Variants in AHI1 observed in about 807,000 individuals in gnomAD.
AHI1 encodes Abelson helper integration site 1.
A neutral mutation model predicts 149.3 loss-of-function variants in AHI1; 123 were observed. That is an observed-to-expected ratio of 0.82 (90% CI 0.71 to 0.96). AHI1 has a LOEUF of 0.96. AHI1 is among the 40% of genes least tolerant of loss of function. The pLI, the probability that AHI1 is intolerant of heterozygous loss-of-function variation, is 0.00. For missense variants in AHI1, 1,439 were observed against 1,422.7 expected, an observed-to-expected ratio of 1.01 and a Z score of -0.18; for synonymous variants, 475 against 459.8, an observed-to-expected ratio of 1.03 and a Z score of -0.42.
Position 135,447,141 on chromosome 6 carries a change from G to A in AHI1, c.1646C>T (p.Ser549Phe). Residue 549 changes from serine to phenylalanine, a missense_variant, in exon 13 of 29, where the codon TCT becomes TTT. Coordinates refer to ENST00000265602, the MANE Select transcript of AHI1 (RefSeq NM_001134831.2). ...VPDCIKPSYR[S>F]MMALQEEKGK... is the part of the protein sequence containing the mutation. ...TTTTTCCTCCTGAAGAGCCATCATA[G>A]AGCGGTAAGATGGCTTTATCTAAAT... The A allele has an allele frequency of 6.3e-7, 1 of 1,582,958 alleles. No individual in the cohort carries two copies. Among genetic ancestry groups the A allele is most frequent in the Non-Finnish European group, 8.6e-7 (1 of 1,166,264 alleles).
chr6:135,315,412 G>A (rs1245265063), intron 26 of AHI1, among the ~76,000 whole-genome samples: 1 of 152,126 alleles, frequency 6.6e-6, no homozygotes, highest in African/African-American at 2.4e-5. Flanking sequence ...TAACCTTGTA[G>A]AGGAGAACGT....
intron 17 of AHI1, among the ~76,000 whole-genome samples, chr6:135,430,807 A>G (rs983595302): frequency 6.6e-6 from 1 of 151,980 alleles, no homozygotes; most frequent in Non-Finnish European, 1.5e-5. Flanking sequence ...TCTGAAAGAC[A>G]CCAGTGTTGA....
intron 27 of AHI1, among the ~76,000 whole-genome samples, chr6:135,291,631 T>C (rs920245943): frequency 6.6e-6 from 1 of 152,210 alleles, no homozygotes; most frequent in Non-Finnish European, 1.5e-5. Context: ...CAATGAAGTC[T>C]GTGGTATTCT....
intron 11 of AHI1, among the ~76,000 whole-genome samples, chr6:135,452,857 G>A (rs1788345393): frequency 6.6e-6 from 1 of 152,012 alleles, no homozygotes; most frequent in Non-Finnish European, 1.5e-5. Context: ...GTGGCAATGT[G>A]TCTCTTCCTC....
intron 5 of AHI1, among the ~76,000 whole-genome samples, chr6:135,486,978 C>A (rs1037842289): frequency 6.6e-6 from 1 of 152,066 alleles, no homozygotes; most frequent in Admixed American, 6.6e-5. Flanking sequence ...GTTGCCCAGG[C>A]TAGTCTTGAA....
chr6:135,330,259 G>A (rs1181837434), intron 24 of AHI1, among the ~76,000 whole-genome samples: 1 of 152,126 alleles, frequency 6.6e-6, no homozygotes, highest in Non-Finnish European at 1.5e-5. Context: ...AGAGTCAATC[G>A]ATGTGGCAAA....
chr6:135,333,768 A>G (rs201943709), intron 24 of AHI1, among the ~76,000 whole-genome samples: 1 of 152,308 alleles, frequency 6.6e-6, no homozygotes, highest in East Asian at 1.9e-4. Flanking sequence ...TAGGCCTCCA[A>G]GGTTTAAGTA....
intron 23 of AHI1, among the ~76,000 whole-genome samples, chr6:135,382,937 A>G (rs1777035012): frequency 7.8e-6 from 1 of 128,936 alleles, no homozygotes; most frequent in African/African-American, 3.0e-5. Flanking sequence ...ATATATATAT[A>G]TATATATATA....
chr6:135,476,458 CTG>C (rs1049411516), intron 5 of AHI1, among the ~76,000 whole-genome samples: 5 of 151,642 alleles, frequency 3.3e-5, no homozygotes, highest in African/African-American at 1.2e-4. Flanking sequence ...AATGAGTATT[CTG>C]TGTTTGTTGG....
chr6:135,328,333 C>G (rs77546339), intron 24 of AHI1, among the ~76,000 whole-genome samples: 3,794 of 152,248 alleles, frequency 0.025, 179 homozygotes, highest in African/African-American at 0.086. Context: ...TCTATCAAGG[C>G]CATTTTTTTC....
At chr6:135,354,272 T>C (rs1475969986) in intron 24 of AHI1, among the ~76,000 whole-genome samples, 1 of 152,166 alleles carries the variant, frequency 6.6e-6, no homozygotes, top group Non-Finnish European at 1.5e-5. Context: ...AGTTATTCAT[T>C]CGAATAGGCC....
At chr6:135,363,028 A>AATTTT (rs1244665590) in intron 23 of AHI1, among the ~76,000 whole-genome samples, 2 of 149,080 alleles carry the variant, frequency 1.3e-5, no homozygotes, top group East Asian at 1.9e-4. Context: ...CTTTTTTTTA[A>AATTTT]ATTTTATTTT....
chr6:135,405,575 T>C (rs1336886401), intron 21 of AHI1, among the ~76,000 whole-genome samples: 1 of 151,982 alleles, frequency 6.6e-6, no homozygotes, highest in Non-Finnish European at 1.5e-5. Flanking sequence ...AATACTCAAG[T>C]CTGGCCGGGT....
intron 5 of AHI1, among the ~76,000 whole-genome samples, chr6:135,481,366 C>T (rs532094048): frequency 6.6e-6 from 1 of 152,122 alleles, no homozygotes; most frequent in Non-Finnish European, 1.5e-5. Context: ...ATGCTTGAGA[C>T]AAAAAGTGTT....
In AHI1 at chr6:135,335,847, C is replaced by T. The variant is rs548765126; in HGVS notation, c.3166-12523G>A. 3.9e-5 allele frequency among the ~76,000 whole-genome samples: 6 copies of T among 151,994 alleles called. No individual in the cohort carries two copies. The South Asian group carries it at 6.2e-4, about 16-fold the overall frequency. On this transcript the variant is annotated intron_variant, in intron 24 of 28. Transcript: ENST00000265602. ...CATTTTAGAAATATATAAACAGGAC[C>T]GGCGTGGTGGCTCACGCCTGTAATC...
At position 135,466,106 on chromosome 6, in the gene AHI1, T is replaced by C. The variant is rs771883828; in HGVS notation, c.457A>G (p.Thr153Ala). ...PETPENKVDS[T>A]HQKTHTKPQP... is the part of the protein sequence containing the mutation. ...GGCTTTGTATGTGTTTTCTGGTGTG[T>C]AGAATCAACCTTATTCTCAGGAGTT... The change falls in exon 7 of 29, where the codon ACA (threonine) becomes GCA (alanine). Residue 153 changes from threonine (T) to alanine (A), a missense_variant. By Grantham distance (58) the Thr-to-Ala change is moderately conservative. Transcript: ENST00000265602. 3 of 1,613,840 alleles carry C rather than the reference T, an allele frequency of 1.9e-6. No individual in the cohort carries two copies. Among genetic ancestry groups the C allele is most frequent in the East Asian group, 2.2e-5 (1 of 44,888 alleles).
At chr6:135,403,187 GAT>G (rs1181530387) in intron 22 of AHI1, among the ~76,000 whole-genome samples, 2 of 152,122 alleles carry the variant, frequency 1.3e-5, no homozygotes, top group African/African-American at 4.8e-5. Flanking sequence ...ACTGCTAAGA[GAT>G]ATGGGGCTTC....
At chr6:135,292,109 T>TAC (rs10646107) in intron 27 of AHI1, among the ~76,000 whole-genome samples, 9,408 of 148,232 alleles carry the variant, frequency 0.063, 762 homozygotes, top group African/African-American at 0.19. Context: ...GGCAGCTAAT[T>TAC]ACACACACAC....
intron 23 of AHI1, among the ~76,000 whole-genome samples, chr6:135,376,022 A>C (rs1009205507): frequency 6.6e-6 from 1 of 151,800 alleles, no homozygotes; most frequent in Admixed American, 6.6e-5. Flanking sequence ...CACTCAAAAA[A>C]TGTTAGAAAA....
Sources: gnomAD v4.1 joint callset for allele counts (sites outside exome capture counted in the v4.1 genomes callset) on GRCh38, gnomAD v4.1.1 for gene constraint, MANE v1.5 for transcripts, NCBI Gene and HGNC (gene_info 2026-07-23, HGNC 2026-07-21) for gene names.